The following RANBP17 variants were observed in gnomAD, a reference collection of about 807,000 sequenced individuals.
RANBP17 encodes the protein RAN binding protein 17.
Under a neutral mutation model 141.2 loss-of-function variants are expected in RANBP17, and 158 were observed. The observed-to-expected ratio is 1.12, with a 90% CI of 0.98 to 1.28. The LOEUF is 1.28. Among genes scored for constraint, RANBP17 ranks in the 50% most tolerant of loss-of-function variants. RANBP17 has a pLI of 0.00. For synonymous variants in RANBP17, 430 were observed against 450.0 expected, an observed-to-expected ratio of 0.96 and a Z score of 0.56; for missense variants, 1,438 against 1,290.7, an observed-to-expected ratio of 1.11 and a Z score of -1.75.
intron 14 of RANBP17, among the ~76,000 whole-genome samples, chr5:170,971,308 A>G (rs547022963): frequency 2.8e-4 from 42 of 152,350 alleles, no homozygotes; most frequent in African/African-American, 9.6e-4. Context: ...TTGAGCAACA[A>G]GTCTGTGTCA....
At chr5:171,204,984 C>T (rs2127960472) in intron 19 of RANBP17, among the ~76,000 whole-genome samples, 1 of 152,276 alleles carries the variant, frequency 6.6e-6, no homozygotes, top group South Asian at 2.1e-4. Context: ...CTTACATCTT[C>T]CTCACTTGGG....
intron 18 of RANBP17, among the ~76,000 whole-genome samples, chr5:171,193,286 G>C (rs1208791527): frequency 6.6e-6 from 1 of 152,182 alleles, no homozygotes; most frequent in Non-Finnish European, 1.5e-5. Flanking sequence ...TATAAGCCAT[G>C]CACATTGCAG....
chr5:171,239,689 G>T (rs1003280004), intron 22 of RANBP17, among the ~76,000 whole-genome samples: 2 of 152,170 alleles, frequency 1.3e-5, no homozygotes, highest in African/African-American at 2.4e-5. Context: ...TGAGAAGGTA[G>T]CTGGTGTTAT....
At chr5:171,266,236 C>T (rs1269896089) in intron 25 of RANBP17, among the ~76,000 whole-genome samples, 1 of 152,134 alleles carries the variant, frequency 6.6e-6, no homozygotes, top group Non-Finnish European at 1.5e-5. Context: ...CTACAATTTG[C>T]TGGGCTCCTA....
At chr5:170,907,283 G>A (rs971175774) in intron 5 of RANBP17, among the ~76,000 whole-genome samples, 1 of 149,274 alleles carries the variant, frequency 6.7e-6, no homozygotes, top group Non-Finnish European at 1.5e-5. Flanking sequence ...GCATATATAT[G>A]CAATAGAAAA....
At position 171,299,065 on chromosome 5, in the gene RANBP17, C is replaced by G. The variant is rs1768995509; in HGVS notation, c.*207C>G. ...TAAATTCAGTCTTTTCTCTGAAAAGCAAAGGATGTGTTTTCAGTCTTTCTA... is the reference window on the plus strand; with the variant it reads ...TAAATTCAGTCTTTTCTCTGAAAAGGAAAGGATGTGTTTTCAGTCTTTCTA... On this transcript the variant is annotated 3_prime_UTR_variant, in exon 28 of 28. Coordinates refer to ENST00000523189, the MANE Select transcript of RANBP17 (RefSeq NM_022897.5). The G allele has an allele frequency of 2.1e-6, 1 of 465,796 alleles. No homozygotes were observed. Among genetic ancestry groups the G allele is most frequent in the Non-Finnish European group, 3.8e-6 (1 of 260,046 alleles). The allele number at this position is 465,796 out of a possible 1,614,324, so 28.9% of individuals were successfully genotyped here.
intron 14 of RANBP17, among the ~76,000 whole-genome samples, chr5:171,007,755 G>T (rs1484732386): frequency 1.3e-5 from 2 of 152,112 alleles, no homozygotes; most frequent in African/African-American, 4.8e-5. Context: ...TTTGTACTGG[G>T]GCCAAGCAGT....
chr5:171,110,455 C>T (rs1755145596), intron 14 of RANBP17, among the ~76,000 whole-genome samples: 2 of 152,132 alleles, frequency 1.3e-5, no homozygotes, highest in African/African-American at 4.8e-5. Context: ...AGCCCTTTAG[C>T]CGTCATATCT....
chr5:171,182,798 TAA>T (rs34806944), intron 16 of RANBP17, among the ~76,000 whole-genome samples: 152,246 of 152,272 alleles, frequency 1, 76,110 homozygotes, highest in Middle Eastern at 1. Flanking sequence ...GGGTCTTTTA[TAA>T]AATTATTTCA....
At chr5:171,274,158 G>A (rs1190520956) in intron 25 of RANBP17, among the ~76,000 whole-genome samples, 26 of 141,860 alleles carry the variant, frequency 1.8e-4, no homozygotes, top group South Asian at 6.8e-4. Flanking sequence ...GTGCGCGCGC[G>A]CGCGCGTGCG....
At chr5:171,097,068 G>A (rs1786747395) in intron 14 of RANBP17, among the ~76,000 whole-genome samples, 1 of 152,054 alleles carries the variant, frequency 6.6e-6, no homozygotes, top group Non-Finnish European at 1.5e-5. Flanking sequence ...CTTCAAGGAG[G>A]TTGTAAGAAT....
chr5:171,257,453 A>T (rs1765972652), intron 24 of RANBP17, among the ~76,000 whole-genome samples: 1 of 152,204 alleles, frequency 6.6e-6, no homozygotes, highest in African/African-American at 2.4e-5. Context: ...AGCCAAAATC[A>T]TACTGAATGG....
At chr5:170,983,901 A>C (rs1777938484) in intron 14 of RANBP17, among the ~76,000 whole-genome samples, 1 of 152,130 alleles carries the variant, frequency 6.6e-6, no homozygotes, top group East Asian at 1.9e-4. Flanking sequence ...GCTGAAGAGG[A>C]AGGAAAATGG....
At chr5:170,896,020 T>A (rs1202864297) in intron 4 of RANBP17, 30 bp from the exon 5 acceptor site, 1 of 1,465,628 alleles carries the variant, frequency 6.8e-7, no homozygotes, top group Non-Finnish European at 9.4e-7. Context: ...TTGTCTCCAC[T>A]TAGGCTAAAC....
chr5:171,114,064 T>A (rs927056866), intron 14 of RANBP17, among the ~76,000 whole-genome samples: 5 of 152,086 alleles, frequency 3.3e-5, no homozygotes, highest in African/African-American at 1.2e-4. Context: ...TAATATTTTT[T>A]AATTCTCAGT....
intron 14 of RANBP17, among the ~76,000 whole-genome samples, chr5:171,102,685 T>C (rs981377247): frequency 1.2e-4 from 19 of 152,192 alleles, no homozygotes; most frequent in African/African-American, 4.1e-4. Context: ...TTCAGGTTTT[T>C]GGCATTTTCA....
intron 14 of RANBP17, among the ~76,000 whole-genome samples, chr5:171,010,682 A>G (rs1361739845): frequency 2.6e-5 from 4 of 152,126 alleles, no homozygotes; most frequent in Non-Finnish European, 5.9e-5. Flanking sequence ...AAATTCCCCT[A>G]TCCCCCACAA....
intron 27 of RANBP17, 107 bp from the exon 28 acceptor site, chr5:171,298,655 G>A (rs1768972748): frequency 1.4e-6 from 1 of 724,590 alleles, no homozygotes; most frequent in Non-Finnish European, 2.3e-6. Context: ...CCGTCCTCCA[G>A]GAGGGGGCTC....
chr5:171,185,503 A>G (rs1372309520), intron 18 of RANBP17, among the ~76,000 whole-genome samples: 3 of 152,240 alleles, frequency 2.0e-5, no homozygotes, highest in African/African-American at 7.2e-5. Context: ...AGGTTATGTC[A>G]TATTCTAAAT....
Sources: gnomAD v4.1 joint callset for allele counts (sites outside exome capture counted in the v4.1 genomes callset) on GRCh38, gnomAD v4.1.1 for gene constraint, MANE v1.5 for transcripts, NCBI Gene and HGNC (gene_info 2026-07-23, HGNC 2026-07-21) for gene names.